Variants in ATG2A observed in about 807,000 individuals in gnomAD.
The protein encoded by ATG2A is autophagy-related protein 2 homolog A.
ATG2A carries 103 observed loss-of-function variants against 214.2 expected under a neutral mutation model. The ratio of observed to expected loss-of-function variants is 0.48; its 90% CI spans 0.41 to 0.57. ATG2A has a LOEUF of 0.57. Among genes scored for constraint, ATG2A ranks in the 20% least tolerant of loss-of-function variants. The pLI is 0.00. For synonymous variants in ATG2A, 1,160 were observed against 1,142.1 expected (o/e 1.02, Z -0.32); for missense variants, 2,312 against 2,613.2 (o/e 0.88, Z 2.51).
rs2136633735 is a variant in ATG2A at position 64,912,212 on chromosome 11, G to T, written c.960C>A (p.Arg320=). The T allele has an allele frequency of 6.2e-7, 1 of 1,613,744 alleles. No homozygotes were observed. Among genetic ancestry groups the T allele is most frequent in the East Asian group, 2.2e-5 (1 of 44,880 alleles). The change falls in exon 8 of 41, where the codon CGC becomes CGA. Residue 320 remains arginine (R), a synonymous_variant. Coordinates refer to ENST00000377264, the MANE Select transcript of ATG2A (RefSeq NM_015104.3). ...GCCACAGGTCTTCGGCACCTAGCGG[G>T]CGGCTCTTGTTCAGCTTGTCAGCCA... ...EGLADKLNKS[R]PLGAEDLWLI... is the part of the protein sequence containing the mutation.
intron 14 of ATG2A, 115 bp from the exon 15 acceptor site, chr11:64,909,482 A>G: frequency 7.3e-7 from 1 of 1,372,136 alleles, no homozygotes; most frequent in Admixed American, 2.0e-5. Flanking sequence ...CTTGGTGGGC[A>G]GAGAAAGCCA....
rs568318869 is a variant in ATG2A, at chr11:64,906,631, G to T, written c.2983+34C>A. ...TGAAAGCCCTCCACCCCCAACCCTG[G>T]ACCCCAGTGGTGACCTGCCCCCAGG... On this transcript the variant is annotated intron_variant, in intron 20 of 40. Coordinates refer to ENST00000377264, the MANE Select transcript of ATG2A (RefSeq NM_015104.3). 101 of 1,611,584 alleles carry T rather than the reference G, an allele frequency of 6.3e-5. 1 individual carries two copies. The South Asian group carries it at 9.8e-4, about 16-fold the overall frequency.
intron 22 of ATG2A, 114 bp from the exon 23 acceptor site, chr11:64,905,962 T>C: frequency 7.3e-7 from 1 of 1,373,186 alleles, no homozygotes; most frequent in Non-Finnish European, 1.0e-6. Flanking sequence ...ACTAGCTGTC[T>C]GCCACACCCC....
intron 16 of ATG2A, among the ~76,000 whole-genome samples, chr11:64,908,105 C>T (rs1944625097): frequency 6.6e-6 from 1 of 152,214 alleles, no homozygotes; most frequent in African/African-American, 2.4e-5. Flanking sequence ...CTTTCATCCT[C>T]ACAACAGGCC....
chr11:64,902,648 G>A lies in ATG2A; in HGVS notation c.3645C>T (p.Asn1215=). 1.2e-6 allele frequency: 2 copies of A among 1,611,182 alleles called. No individual in the cohort carries two copies. The highest frequency in any genetic ancestry group is 1.7e-5 in the Admixed American group (1 of 59,982). ...CACAGCTGTGCACGTGTACCACATTGTTGGAGCAGCGCAGCTCGAATAGTG... is the reference window on the plus strand; with the variant it reads ...CACAGCTGTGCACGTGTACCACATTATTGGAGCAGCGCAGCTCGAATAGTG... ...SQPLFELRCS[N]NVVHVHSCAD... Residue 1215 remains asparagine, a synonymous_variant, in exon 27 of 41, where the codon AAC becomes AAT. Coordinates refer to ENST00000377264, the MANE Select transcript of ATG2A (RefSeq NM_015104.3).
In ATG2A at chr11:64,901,861, C is replaced by A; in HGVS notation, c.4119+101G>T. ...CACCTCCTGCCTGCTTCTCTCACCA[C>A]GGGAGCTCCAGATGGCCAGGCAACC... On this transcript the variant is annotated intron_variant, in intron 29 of 40. Transcript: ENST00000377264. 4 of 1,362,922 alleles carry A rather than the reference C, an allele frequency of 2.9e-6. No homozygotes were observed. The East Asian group carries it at 7.0e-5, about 24-fold the overall frequency. 84.4% of individuals were successfully genotyped at this position (1,362,922 alleles called of 1,614,324 possible). A position where few individuals can be genotyped will look rare whatever the true frequency, so the allele number is the denominator to read the frequency against.
rs564922823 is a variant in ATG2A at position 64,909,869 on chromosome 11, C to A, written c.1919G>T (p.Arg640Leu). Reference protein sequence around the residue: ...QQTVFRLSAPRATLRLRFPIA... With the variant: ...QQTVFRLSAPLATLRLRFPIA... Reference sequence around the variant, plus strand: ...GGGGAAGCGCAGCCGCAGCGTGGCCCGGGGTGCAGAGAGCCGAAATACCGT... The same window carrying A: ...GGGGAAGCGCAGCCGCAGCGTGGCCAGGGGTGCAGAGAGCCGAAATACCGT... Residue 640 changes from arginine to leucine, a missense_variant, in exon 14 of 41, where the codon CGG becomes CTG. Arg to Leu is a moderately radical substitution (Grantham distance 102, BLOSUM62 -2). Transcript: ENST00000377264. 20 of 1,609,096 alleles carry A rather than the reference C, an allele frequency of 1.2e-5. No homozygotes were observed. In the East Asian group the frequency reaches 4.5e-4, roughly 36 times the overall value.
At position 64,914,404 on chromosome 11, in the gene ATG2A, G is replaced by GC; in HGVS notation, c.267dup (p.Leu90AlafsTer56). 6.2e-7 allele frequency: 1 copy of GC among 1,612,218 alleles called. No individual in the cohort carries two copies. Among genetic ancestry groups the GC allele is most frequent in the Non-Finnish European group, 8.5e-7 (1 of 1,179,630 alleles). ...ACGCGCACTGTGCAGTGGTCGGTGA[G>GC]CAGAGCAGCCCAGGGCACGGCCACC... is the stretch of plus-strand genomic sequence containing the variant. On this transcript the variant is annotated frameshift_variant, in exon 2 of 41. Transcript: ENST00000377264. LOFTEE classifies it high-confidence loss of function.
chr11:64,914,666 G>A (rs562644554), intron 1 of ATG2A, among the ~76,000 whole-genome samples, 166 bp from the exon 2 acceptor site: 1 of 152,094 alleles, frequency 6.6e-6, no homozygotes, highest in Non-Finnish European at 1.5e-5. Context: ...CCTACTACAG[G>A]CCAGCCCCCC....
chr11:64,912,209 C>G lies in ATG2A; in HGVS notation c.963G>C (p.Pro321=), dbSNP rs762564673. ...TCAGCCACAGGTCTTCGGCACCTAG[C>G]GGGCGGCTCTTGTTCAGCTTGTCAG... ...GLADKLNKSR[P]LGAEDLWLIE... is the part of the protein sequence containing the mutation. Residue 321 remains proline (P), a synonymous_variant, in exon 8 of 41, where the codon CCG becomes CCC. Transcript: ENST00000377264. 6.2e-7 allele frequency: 1 copy of G among 1,613,758 alleles called. No individual in the cohort carries two copies. The highest frequency in any genetic ancestry group is 1.7e-5 in the Admixed American group (1 of 60,024).
At position 64,913,545 on chromosome 11, in the gene ATG2A, C is replaced by A; in HGVS notation, c.591-144G>T. 8.7e-7 allele frequency: 1 copy of A among 1,147,894 alleles called. No homozygotes were observed. Among genetic ancestry groups the A allele is most frequent in the Non-Finnish European group, 1.2e-6 (1 of 835,856 alleles). 71.1% of individuals were successfully genotyped at this position (1,147,894 alleles called of 1,614,324 possible). A position where few individuals can be genotyped will look rare whatever the true frequency, so the allele number is the denominator to read the frequency against. On this transcript the variant is annotated intron_variant, in intron 4 of 40. Coordinates refer to ENST00000377264, the MANE Select transcript of ATG2A (RefSeq NM_015104.3). This position sits in a 1 kb window ranked among gnomAD's most constrained non-coding sequence, Gnocchi z 4.3. Reference sequence around the variant, plus strand: ...TCACACCTAGGCCGTCCTGAACCACCATGTCCAGCCCGGAGGCTCAGGCCA... The same window carrying A: ...TCACACCTAGGCCGTCCTGAACCACAATGTCCAGCCCGGAGGCTCAGGCCA...
chr11:64,898,313 G>A lies in ATG2A; in HGVS notation c.4721C>T (p.Pro1574Leu). ...HVAPTTNLGG[P>L]ECCLRVSLMP... ...CAGCGAGACGCGGAGACAGCACTCAGGCCCACCCAGGTTGGTAGTGGGGGC... is the reference window on the plus strand; with the variant it reads ...CAGCGAGACGCGGAGACAGCACTCAAGCCCACCCAGGTTGGTAGTGGGGGC... The change falls in exon 33 of 41, where the codon CCT (proline) becomes CTT (leucine). Residue 1574 changes from proline (P) to leucine (L), a missense_variant. Pro to Leu is a moderately conservative substitution (Grantham distance 98). Coordinates refer to ENST00000377264, the MANE Select transcript of ATG2A (RefSeq NM_015104.3). This position sits in a 1 kb window ranked among gnomAD's most constrained non-coding sequence, Gnocchi z 4.5. 1 of 1,612,302 alleles carries A rather than the reference G, an allele frequency of 6.2e-7. No homozygotes were observed. Among genetic ancestry groups the A allele is most frequent in the Non-Finnish European group, 8.5e-7 (1 of 1,179,412 alleles).
At position 64,894,746 on chromosome 11, in the gene ATG2A, AG is replaced by A. The variant is rs1198688795; in HGVS notation, c.*226del. 1.3e-5 allele frequency: 9 copies of A among 707,974 alleles called. No homozygotes were observed. Among genetic ancestry groups the A allele is most frequent in the Non-Finnish European group, 2.3e-5 (9 of 390,968 alleles). 43.9% of individuals were successfully genotyped at this position (707,974 alleles called of 1,614,324 possible). On this transcript the variant is annotated 3_prime_UTR_variant, in exon 41 of 41. Coordinates refer to ENST00000377264, the MANE Select transcript of ATG2A (RefSeq NM_015104.3). ...CAGCAGTGTGGGCCCAGGTCGGGGGAGGGGCAGTGTCCTTTCTCCCCGGAGG... is the reference window on the plus strand; with the variant it reads ...CAGCAGTGTGGGCCCAGGTCGGGGGAGGGCAGTGTCCTTTCTCCCCGGAGG...
chr11:64,901,233 GAGTGCAGTGGCACAA>G (rs1944342394), intron 29 of ATG2A, 141 bp from the exon 30 acceptor site: 1 of 800,638 alleles, frequency 1.2e-6, no homozygotes, highest in Non-Finnish European at 2.0e-6. Context: ...ACCCAGGCTG[GAGTGCAGTGGCACAA>G]TCACAGTTCA....
intron 3 of ATG2A, 55 bp downstream of exon 3, chr11:64,914,026 G>A (rs1005465478): frequency 1.9e-6 from 3 of 1,549,112 alleles, no homozygotes; most frequent in South Asian, 1.2e-5. Context: ...TGGAGCCCCT[G>A]TTCTGTGTGC....
rs756650266 is a variant in ATG2A, at chr11:64,895,013, T to C, written c.5777A>G (p.Asp1926Gly). 1 of 1,613,094 alleles carries C rather than the reference T, an allele frequency of 6.2e-7. No homozygotes were observed. Among genetic ancestry groups the C allele is most frequent in the East Asian group, 2.2e-5 (1 of 44,854 alleles). Reference protein sequence around the residue: ...RNQIVPDAHKDHALKWRSDSA... With the variant: ...RNQIVPDAHKGHALKWRSDSA... ...GTCCGAGCGCCACTTGAGGGCGTGG[T>C]CCTTGTGGGCGTCGGGGACAATCTG... The change falls in exon 41 of 41, where the codon GAC (aspartate) becomes GGC (glycine). Residue 1926 changes from aspartate to glycine, a missense_variant. Physicochemically the swap from Asp to Gly is moderately conservative, Grantham distance 94. Coordinates refer to ENST00000377264, the MANE Select transcript of ATG2A (RefSeq NM_015104.3). The surrounding 1 kb of genome is among the most constrained non-coding windows in gnomAD (Gnocchi z 5.0).
At chr11:64,899,702 G>A (rs993770394) in intron 31 of ATG2A, among the ~76,000 whole-genome samples, 1 of 151,998 alleles carries the variant, frequency 6.6e-6, no homozygotes, top group Non-Finnish European at 1.5e-5. Context: ...CTGCTCACTA[G>A]CCCTCCCTGA....
At chr11:64,907,965 C>G in intron 16 of ATG2A, 75 bp from the exon 17 acceptor site, 1 of 1,506,838 alleles carries the variant, frequency 6.6e-7, no homozygotes, top group Non-Finnish European at 9.0e-7. Context: ...TGGTCTCAGT[C>G]CTGCCCTCCT....
At chr11:64,914,758 G>A (rs189559286) in intron 1 of ATG2A, among the ~76,000 whole-genome samples, 5 of 152,086 alleles carry the variant, frequency 3.3e-5, no homozygotes, top group South Asian at 4.2e-4. Flanking sequence ...AATATTTACC[G>A]AGCACTTTCT....
Sources: allele counts gnomAD v4.1 joint callset (sites outside exome capture counted in the v4.1 genomes callset), GRCh38; gene constraint gnomAD v4.1.1; non-coding constraint Gnocchi (gnomAD v3.1); transcripts MANE v1.5; gene names NCBI Gene and HGNC (gene_info 2026-07-23, HGNC 2026-07-21).